COMMD1: variants seen among roughly 807,000 people sequenced by gnomAD.
COMMD1 encodes copper metabolism domain containing 1.
Under a neutral mutation model 17.2 loss-of-function variants are expected in COMMD1, and 10 were observed. The ratio of observed to expected loss-of-function variants is 0.58; its 90% CI spans 0.36 to 0.99. The LOEUF is 0.99. Among genes scored for constraint, COMMD1 ranks in the 50% least tolerant of loss-of-function variants. COMMD1 has a pLI of 0.01. For synonymous variants in COMMD1, 97 were observed against 91.6 expected (o/e 1.06, Z -0.34); for missense variants, 270 against 231.8 (o/e 1.17, Z -1.07).
chr2:62,089,186 G>C (rs1371653985), intron 2 of COMMD1, among the ~76,000 whole-genome samples: 1 of 151,936 alleles, frequency 6.6e-6, no homozygotes, highest in Non-Finnish European at 1.5e-5. Flanking sequence ...GGAAGAAAAA[G>C]ATCTAGCTAT....
chr2:61,905,995 AC>A, intron 1 of COMMD1, 137 bp downstream of exon 1: 1 of 820,690 alleles, frequency 1.2e-6, no homozygotes. Flanking sequence ...CGTGGGCTCC[AC>A]ATCGGGCTCC....
intron 1 of COMMD1, among the ~76,000 whole-genome samples, chr2:61,974,914 AG>A (rs1315474133): frequency 6.6e-6 from 1 of 151,902 alleles, no homozygotes; most frequent in Non-Finnish European, 1.5e-5. Flanking sequence ...ACTCTGCTTC[AG>A]CTATTTATCT....
chr2:61,910,393 A>G (rs935130566), intron 1 of COMMD1, among the ~76,000 whole-genome samples: 1 of 151,662 alleles, frequency 6.6e-6, no homozygotes, highest in African/African-American at 2.4e-5. Flanking sequence ...GATTACAGAC[A>G]CCCGCCACCA....
chr2:62,015,182 A>G (rs555486489), intron 2 of COMMD1, among the ~76,000 whole-genome samples: 1 of 152,158 alleles, frequency 6.6e-6, no homozygotes, highest in East Asian at 1.9e-4. Flanking sequence ...ATAATTCCCA[A>G]TTTCCATCTC....
At chr2:62,006,165 A>ACAC (rs1669109771) in intron 2 of COMMD1, among the ~76,000 whole-genome samples, 1 of 122,932 alleles carries the variant, frequency 8.1e-6, no homozygotes, top group Non-Finnish European at 1.6e-5. Flanking sequence ...TGGACACAGG[A>ACAC]AGGGGAACAT....
chr2:61,929,690 G>A (rs1490803980), intron 1 of COMMD1, among the ~76,000 whole-genome samples: 1 of 152,142 alleles, frequency 6.6e-6, no homozygotes, highest in Non-Finnish European at 1.5e-5. Flanking sequence ...CCAGCACTTT[G>A]GGAGCCCAAG....
At chr2:62,090,039 G>A (rs187957293) in intron 2 of COMMD1, among the ~76,000 whole-genome samples, 101 of 152,176 alleles carry the variant, frequency 6.6e-4, no homozygotes, top group Non-Finnish European at 4.4e-5. Context: ...CTAACCTGAT[G>A]TAATAGCCAA....
intron 2 of COMMD1, among the ~76,000 whole-genome samples, chr2:62,101,400 A>G (rs1672173412): frequency 6.6e-6 from 1 of 152,172 alleles, no homozygotes; most frequent in Non-Finnish European, 1.5e-5. Context: ...ACTTCAGCCC[A>G]AAAGTCAAGA....
At chr2:61,925,709 T>G (rs1670313282) in intron 1 of COMMD1, among the ~76,000 whole-genome samples, 1 of 152,174 alleles carries the variant, frequency 6.6e-6, no homozygotes, top group African/African-American at 2.4e-5. Context: ...CAGTAGGACT[T>G]GCCTGCTGTC....
At chr2:62,049,201 GA>G (rs11288339) in intron 2 of COMMD1, among the ~76,000 whole-genome samples, 37,975 of 140,616 alleles carry the variant, frequency 0.27, 4,786 homozygotes, top group Admixed American at 0.3. Context: ...TAATTACCAG[GA>G]AAAAAAAAAA....
chr2:62,037,186 C>T (rs1389996905), intron 2 of COMMD1, among the ~76,000 whole-genome samples: 1 of 152,204 alleles, frequency 6.6e-6, no homozygotes, highest in Non-Finnish European at 1.5e-5. Flanking sequence ...AGAGGCTTGT[C>T]TGGCTTTGCC....
At chr2:61,900,016 G>C (rs192132138) in intron 1 of COMMD1, among the ~76,000 whole-genome samples, 267 of 152,280 alleles carry the variant, frequency 1.8e-3, no homozygotes, top group African/African-American at 6.0e-3. Flanking sequence ...TTCTTGTGAA[G>C]GTTAATTAGA....
At chr2:62,025,969 C>T (rs958900837) in intron 2 of COMMD1, among the ~76,000 whole-genome samples, 1 of 152,090 alleles carries the variant, frequency 6.6e-6, no homozygotes, top group Non-Finnish European at 1.5e-5. Flanking sequence ...GGTGGGATTA[C>T]GGGTGTGAGC....
chr2:61,960,810 C>G (rs1671321590), intron 1 of COMMD1, among the ~76,000 whole-genome samples: 2 of 152,192 alleles, frequency 1.3e-5, no homozygotes, highest in Admixed American at 1.3e-4. Flanking sequence ...TCGTTCAGCC[C>G]CGCTGCCAGA....
intron 2 of COMMD1, among the ~76,000 whole-genome samples, chr2:62,092,126 A>G (rs1671846896): frequency 1.3e-5 from 2 of 152,130 alleles, no homozygotes; most frequent in Non-Finnish European, 2.9e-5. Context: ...CAGACAGAAG[A>G]GATTGTGGAA....
chr2:61,910,372 T>C (rs920675046), intron 1 of COMMD1, among the ~76,000 whole-genome samples: 34 of 151,688 alleles, frequency 2.2e-4, no homozygotes, highest in Admixed American at 2.2e-3. Flanking sequence ...CTCAACCTCC[T>C]GAGTAGCTGG....
intron 1 of COMMD1, among the ~76,000 whole-genome samples, chr2:61,916,945 A>C (rs976322495): frequency 1.3e-5 from 2 of 152,166 alleles, no homozygotes; most frequent in Admixed American, 1.3e-4. Flanking sequence ...TAAATATTCC[A>C]GTAGTTTGGT....
At chr2:61,969,285 G>A (rs542326994) in intron 1 of COMMD1, among the ~76,000 whole-genome samples, 2 of 151,852 alleles carry the variant, frequency 1.3e-5, no homozygotes, top group South Asian at 2.1e-4. Flanking sequence ...TTTTTTTGAC[G>A]TGGCATTTGA....
intron 2 of COMMD1, among the ~76,000 whole-genome samples, chr2:62,080,397 TA>T (rs1671483617): frequency 6.6e-6 from 1 of 152,212 alleles, no homozygotes; most frequent in African/African-American, 2.4e-5. Flanking sequence ...ATACTTTGAG[TA>T]AGTGGATAAC....
Sources: gnomAD v4.1 joint callset for allele counts (sites outside exome capture counted in the v4.1 genomes callset) on GRCh38, gnomAD v4.1.1 for gene constraint, MANE v1.5 for transcripts, NCBI Gene and HGNC (gene_info 2026-07-23, HGNC 2026-07-21) for gene names.